The following CPA6 variants were observed in gnomAD, a reference collection of about 807,000 sequenced individuals.
CPA6 encodes carboxypeptidase A6, also known as carboxypeptidase B.
In CPA6, 58 loss-of-function variants were observed where a neutral mutation model predicts 63.3. The ratio of observed to expected loss-of-function variants is 0.92; its 90% CI spans 0.74 to 1.14. The LOEUF (loss-of-function observed/expected upper bound fraction) is 1.14. Ranked by LOEUF, CPA6 falls within the 50% of genes most tolerant of loss-of-function variation. The pLI, the probability that CPA6 is intolerant of heterozygous loss-of-function variation, is 0.00. For synonymous variants in CPA6, 185 were observed against 179.0 expected (o/e 1.03, Z -0.27); for missense variants, 565 against 526.6 (o/e 1.07, Z -0.71).
chr8:67,475,818 C>T (rs867718590), intron 8 of CPA6, among the ~76,000 whole-genome samples: 292 of 27,118 alleles, frequency 0.011, 1 homozygote, highest in Middle Eastern at 0.018. Context: ...TCTTTCTTTC[C>T]TTTCTTTTCT....
intron 1 of CPA6, among the ~76,000 whole-genome samples, chr8:67,650,161 T>G (rs1008678233): frequency 6.6e-6 from 1 of 152,166 alleles, no homozygotes; most frequent in African/African-American, 2.4e-5. Flanking sequence ...GTGGTGAGAC[T>G]GCTGGCTGTA....
intron 2 of CPA6, among the ~76,000 whole-genome samples, chr8:67,603,510 A>G (rs1242861421): frequency 6.6e-6 from 1 of 152,252 alleles, no homozygotes; most frequent in African/African-American, 2.4e-5. Flanking sequence ...TAAAATGGCT[A>G]AGTGGAACTC....
chr8:67,631,918 C>T (rs1303218056), intron 1 of CPA6, among the ~76,000 whole-genome samples: 1 of 152,080 alleles, frequency 6.6e-6, no homozygotes, highest in African/African-American at 2.4e-5. Context: ...ACGAACCCAC[C>T]AGAAGGAAAA....
At chr8:67,432,087 T>C (rs1288821689) in intron 9 of CPA6, among the ~76,000 whole-genome samples, 1 of 152,166 alleles carries the variant, frequency 6.6e-6, no homozygotes, top group South Asian at 2.1e-4. Flanking sequence ...GCTAAGGGTG[T>C]CTTTTGGATG....
intron 8 of CPA6, among the ~76,000 whole-genome samples, chr8:67,461,819 T>G (rs2128957277): frequency 6.6e-6 from 1 of 152,260 alleles, no homozygotes; most frequent in South Asian, 2.1e-4. Context: ...GGCGGGGGGC[T>G]GACCCCCCCA....
chr8:67,597,266 T>G (rs896547399), intron 2 of CPA6, among the ~76,000 whole-genome samples: 1 of 150,368 alleles, frequency 6.7e-6, no homozygotes, highest in East Asian at 2.0e-4. Flanking sequence ...TGGCGTGATC[T>G]CAGCTCCCTG....
intron 1 of CPA6, among the ~76,000 whole-genome samples, chr8:67,673,733 G>A (rs1288526459): frequency 6.6e-6 from 1 of 151,924 alleles, no homozygotes; most frequent in Non-Finnish European, 1.5e-5. Flanking sequence ...TAGCATTTTA[G>A]TACTCAAAAG....
intron 1 of CPA6, among the ~76,000 whole-genome samples, chr8:67,736,261 G>A (rs147367250): frequency 1.3e-5 from 2 of 152,116 alleles, no homozygotes; most frequent in Non-Finnish European, 1.5e-5. Context: ...AGGAGTAAAA[G>A]CAAAAGGGCA....
chr8:67,560,819 C>G (rs368518250), intron 2 of CPA6, among the ~76,000 whole-genome samples: 3 of 152,140 alleles, frequency 2.0e-5, no homozygotes, highest in African/African-American at 4.8e-5. Flanking sequence ...TGTGACTCAT[C>G]ATCTTTATGC....
At chr8:67,512,413 G>A (rs1378919595) in intron 3 of CPA6, among the ~76,000 whole-genome samples, 1 of 152,192 alleles carries the variant, frequency 6.6e-6, no homozygotes, top group Non-Finnish European at 1.5e-5. Context: ...TGGAAAAAGC[G>A]ATTTCACTGC....
At chr8:67,716,409 G>A (rs1817382652) in intron 1 of CPA6, among the ~76,000 whole-genome samples, 1 of 152,118 alleles carries the variant, frequency 6.6e-6, no homozygotes, top group African/African-American at 2.4e-5. Flanking sequence ...GGCAGGGAAG[G>A]GGACTTCCAG....
chr8:67,506,025 C>T (rs1441622993), intron 6 of CPA6, among the ~76,000 whole-genome samples: 1 of 151,554 alleles, frequency 6.6e-6, no homozygotes, highest in Non-Finnish European at 1.5e-5. Context: ...TGATGTTTCC[C>T]ACCCCTCAAC....
chr8:67,490,617 C>A (rs1811583199), intron 6 of CPA6, among the ~76,000 whole-genome samples: 1 of 152,174 alleles, frequency 6.6e-6, no homozygotes, highest in Non-Finnish European at 1.5e-5. Flanking sequence ...CTGATTGGGG[C>A]ATTTCTGAAG....
intron 2 of CPA6, among the ~76,000 whole-genome samples, chr8:67,532,578 A>G (rs185147172): frequency 2.6e-5 from 4 of 152,226 alleles, no homozygotes; most frequent in African/African-American, 9.6e-5. Flanking sequence ...GCTACTTGGG[A>G]GGCTGAGAGG....
At chr8:67,593,370 G>T (rs1814192346) in intron 2 of CPA6, among the ~76,000 whole-genome samples, 2 of 151,966 alleles carry the variant, frequency 1.3e-5, no homozygotes, top group African/African-American at 2.4e-5. Flanking sequence ...TGTTGATTTG[G>T]GGTGGAGAGT....
At chr8:67,458,281 C>A (rs955677824) in intron 8 of CPA6, among the ~76,000 whole-genome samples, 9 of 152,278 alleles carry the variant, frequency 5.9e-5, no homozygotes, top group Middle Eastern at 6.8e-3. Flanking sequence ...ACTGCAACCT[C>A]CACCTCCCAG....
chr8:67,600,643 A>T (rs1022430832), intron 2 of CPA6, among the ~76,000 whole-genome samples: 1 of 152,160 alleles, frequency 6.6e-6, no homozygotes, highest in African/African-American at 2.4e-5. Context: ...ATAATTTTTA[A>T]AAAGAGCCAT....
intron 1 of CPA6, among the ~76,000 whole-genome samples, chr8:67,662,032 T>G (rs995592557): frequency 9.2e-5 from 14 of 152,198 alleles, no homozygotes; most frequent in Non-Finnish European, 7.3e-5. Context: ...AACACCATCT[T>G]GAATGTTCCT....
At chr8:67,695,067 C>G (rs1261527206) in intron 1 of CPA6, among the ~76,000 whole-genome samples, 1 of 152,090 alleles carries the variant, frequency 6.6e-6, no homozygotes, top group Non-Finnish European at 1.5e-5. Context: ...GAATGCTTAC[C>G]AAACAGTGAC....
Sources: allele counts gnomAD v4.1 joint callset (sites outside exome capture counted in the v4.1 genomes callset), GRCh38; gene constraint gnomAD v4.1.1; transcripts MANE v1.5; gene names NCBI Gene and HGNC (gene_info 2026-07-23, HGNC 2026-07-21).